MKLN1: variants seen among roughly 807,000 people sequenced by gnomAD.
The protein encoded by MKLN1 is muskelin.
In MKLN1, 18 loss-of-function variants were observed where a neutral mutation model predicts 99.0. That is an observed-to-expected ratio of 0.18 (90% CI 0.13 to 0.27). MKLN1 has a LOEUF of 0.27. MKLN1 is among the 10% of genes least tolerant of loss of function. MKLN1 has a pLI of 1.00. For missense variants in MKLN1, 621 were observed against 875.9 expected (o/e 0.71, Z 3.67); for synonymous variants, 288 against 293.2 (o/e 0.98, Z 0.18).
At chr7:131,229,354 C>T (rs1157619772) in intron 3 of MKLN1, among the ~76,000 whole-genome samples, 2 of 151,840 alleles carry the variant, frequency 1.3e-5, no homozygotes, top group Non-Finnish European at 2.9e-5. Flanking sequence ...GATGCCCATC[C>T]CCCACCCCCA....
chr7:131,292,796 AAT>A (rs1160870537), intron 3 of MKLN1, among the ~76,000 whole-genome samples: 1 of 152,212 alleles, frequency 6.6e-6, no homozygotes, highest in African/African-American at 2.4e-5. Flanking sequence ...CCAGGAAACT[AAT>A]GGGGAACAGG....
At chr7:131,401,777 T>G (rs1007270416) in intron 6 of MKLN1, among the ~76,000 whole-genome samples, 2 of 152,188 alleles carry the variant, frequency 1.3e-5, no homozygotes, top group Non-Finnish European at 2.9e-5. Context: ...ATCTTTCCAC[T>G]TTACTGTAGC....
chr7:131,429,802 G>T (rs35683021), intron 9 of MKLN1, among the ~76,000 whole-genome samples: 2,212 of 152,138 alleles, frequency 0.015, 21 homozygotes, highest in South Asian at 0.024. Flanking sequence ...GGATGGTCTC[G>T]ATCTCCTGAC....
At chr7:131,289,769 G>C (rs1357848222) in intron 3 of MKLN1, among the ~76,000 whole-genome samples, 2 of 152,090 alleles carry the variant, frequency 1.3e-5, no homozygotes, top group African/African-American at 4.8e-5. Context: ...TCTTTCATGT[G>C]CTTCAAATAA....
rs371411632 is a variant in MKLN1, at chr7:131,251,839, C to T, written c.-179+48865C>T. ...CACATGCCACCATGCCCAAGAAATT[C>T]TTGTATTTTTTGTAGAGATGTTTGT... On this transcript the variant is annotated intron_variant, in intron 3 of 7. Coordinates refer to the MKLN1 transcript ENST00000416992. Among the ~76,000 whole-genome samples, 5 of 151,898 alleles carry T rather than the reference C, an allele frequency of 3.3e-5. No homozygotes were observed. The East Asian group carries it at 7.7e-4, about 23-fold the overall frequency.
At chr7:131,438,339 C>T (rs1430731618) in intron 10 of MKLN1, among the ~76,000 whole-genome samples, 1 of 151,406 alleles carries the variant, frequency 6.6e-6, no homozygotes, top group Admixed American at 6.6e-5. Context: ...ATTTCTTATT[C>T]TACATTCCTG....
intron 1 of MKLN1, among the ~76,000 whole-genome samples, chr7:131,359,034 A>G (rs1438559404): frequency 6.6e-6 from 1 of 151,418 alleles, no homozygotes; most frequent in Non-Finnish European, 1.5e-5. Flanking sequence ...CCTAAGATTT[A>G]TTTATTTATT....
At chr7:131,218,190 A>T (rs1797012002) in intron 3 of MKLN1, among the ~76,000 whole-genome samples, 1 of 152,150 alleles carries the variant, frequency 6.6e-6, no homozygotes, top group African/African-American at 2.4e-5. Context: ...AAAATATCTC[A>T]AATACCATTC....
rs758508252 is a variant in MKLN1 at position 131,443,550 on chromosome 7, G to T, written c.1243G>T (p.Val415Leu). 6.2e-7 allele frequency: 1 copy of T among 1,614,080 alleles called. No homozygotes were observed. Among genetic ancestry groups the T allele is most frequent in the East Asian group, 2.2e-5 (1 of 44,876 alleles). ...TAGAATTTTGACTTGTAATGGCAGC[G>T]TAGATGACAGCAGAGCCAGTGAACC... ...GGRILTCNGSVDDSRASEPQF... is the reference protein window; with the variant it reads ...GGRILTCNGSLDDSRASEPQF... Residue 415 changes from valine (V) to leucine (L), a missense_variant, in exon 11 of 18, where the codon GTA becomes TTA. This residue lies in a region of MKLN1 where 361 missense variants were observed against 540.8 expected (regional missense o/e 0.67). Transcript: ENST00000352689.
At chr7:131,417,379 CT>C (rs1795050348) in intron 8 of MKLN1, among the ~76,000 whole-genome samples, 1 of 152,020 alleles carries the variant, frequency 6.6e-6, no homozygotes, top group African/African-American at 2.4e-5. Context: ...GTTATGAATT[CT>C]GGGTCAAACT....
intron 2 of MKLN1, among the ~76,000 whole-genome samples, chr7:131,156,725 G>A (rs1220699256): frequency 6.6e-6 from 1 of 152,018 alleles, no homozygotes; most frequent in Admixed American, 6.6e-5. Flanking sequence ...ATGCTTTTTT[G>A]ACTTTTGTTA....
chr7:131,443,841 C>CG, intron 11 of MKLN1, 139 bp downstream of exon 11: 1 of 682,296 alleles, frequency 1.5e-6, no homozygotes, highest in Non-Finnish European at 2.5e-6. Context: ...TAACAGTGAA[C>CG]TGTTTGCTAA....
At chr7:131,441,268 T>C (rs907386904) in intron 10 of MKLN1, among the ~76,000 whole-genome samples, 7 of 152,158 alleles carry the variant, frequency 4.6e-5, no homozygotes, top group African/African-American at 1.2e-4. Flanking sequence ...TTGGACAACA[T>C]TGGATACTTA....
At chr7:131,448,006 A>G (rs1796065674) in intron 12 of MKLN1, among the ~76,000 whole-genome samples, 1 of 152,226 alleles carries the variant, frequency 6.6e-6, no homozygotes, top group South Asian at 2.1e-4. Flanking sequence ...AGACAGGTGG[A>G]TCACGAGGTC....
At chr7:131,298,032 TCACCA>T (rs1220981470) in intron 3 of MKLN1, among the ~76,000 whole-genome samples, 5 of 151,438 alleles carry the variant, frequency 3.3e-5, no homozygotes, top group African/African-American at 1.2e-4. Flanking sequence ...GCCTGTAATC[TCACCA>T]CTTTGGGAGG....
At chr7:131,154,302 G>A (rs779499727) in intron 2 of MKLN1, among the ~76,000 whole-genome samples, 15 of 152,024 alleles carry the variant, frequency 9.9e-5, no homozygotes, top group Non-Finnish European at 1.3e-4. Context: ...GGCTGGTCTC[G>A]AACTCCTAAC....
At chr7:131,249,041 T>C (rs1334410181) in intron 3 of MKLN1, among the ~76,000 whole-genome samples, 1 of 152,210 alleles carries the variant, frequency 6.6e-6, no homozygotes, top group Non-Finnish European at 1.5e-5. Flanking sequence ...ACCTGCCATT[T>C]TCTCCTCTTA....
At chr7:131,284,541 G>A (rs1055169254) in intron 3 of MKLN1, among the ~76,000 whole-genome samples, 3 of 152,166 alleles carry the variant, frequency 2.0e-5, no homozygotes, top group Admixed American at 1.3e-4. Context: ...GGGTGGGGAA[G>A]TACCACTGTC....
intron 3 of MKLN1, among the ~76,000 whole-genome samples, chr7:131,297,177 C>T (rs183775611): frequency 7.2e-5 from 11 of 152,158 alleles, no homozygotes; most frequent in Admixed American, 1.3e-4. Context: ...CTAGCTAACA[C>T]GGTGAAACCC....
Sources: allele counts gnomAD v4.1 joint callset (sites outside exome capture counted in the v4.1 genomes callset), GRCh38; gene constraint gnomAD v4.1.1; regional missense constraint gnomAD v4.1.1; transcripts MANE v1.5; gene names NCBI Gene and HGNC (gene_info 2026-07-23, HGNC 2026-07-21).